LPP: variants seen among roughly 807,000 people sequenced by gnomAD.
LPP encodes the protein LIM domain containing preferred translocation partner in lipoma.
In LPP, 38 loss-of-function variants were observed where a neutral mutation model predicts 60.4. The ratio of observed to expected loss-of-function variants is 0.63; its 90% CI spans 0.49 to 0.83. The LOEUF is 0.83. LPP is among the 40% of genes least tolerant of loss of function. The probability of loss-of-function intolerance (pLI) is 0.00; values close to 1 mark genes in which losing one functional copy is unlikely to be tolerated. For synonymous variants in LPP, 328 were observed against 290.8 expected, an observed-to-expected ratio of 1.13 and a Z score of -1.30; for missense variants, 902 against 783.6, an observed-to-expected ratio of 1.15 and a Z score of -1.80.
At chr3:188,612,158 T>G (rs1207170407) in intron 7 of LPP, among the ~76,000 whole-genome samples, 1 of 152,192 alleles carries the variant, frequency 6.6e-6, no homozygotes, top group Non-Finnish European at 1.5e-5. Flanking sequence ...CGGCTGTGCA[T>G]TGAAAAAATG....
At chr3:188,371,537 A>G (rs1215604694) in intron 3 of LPP, among the ~76,000 whole-genome samples, 1 of 147,052 alleles carries the variant, frequency 6.8e-6, no homozygotes, top group Non-Finnish European at 1.5e-5. Flanking sequence ...GAAGAAAAAC[A>G]TCATATTAAT....
chr3:188,428,237 G>T (rs1416984089), intron 4 of LPP, among the ~76,000 whole-genome samples: 2 of 152,132 alleles, frequency 1.3e-5, no homozygotes, highest in Non-Finnish European at 2.9e-5. Context: ...ACCTCTGTGG[G>T]CTGCACCCAC....
At chr3:188,476,289 G>C (rs1377460253) in intron 4 of LPP, among the ~76,000 whole-genome samples, 2 of 152,088 alleles carry the variant, frequency 1.3e-5, no homozygotes, top group African/African-American at 4.8e-5. Context: ...ATAAATAGTT[G>C]TAAGATGTAG....
rs149347334 is a variant in LPP, at chr3:188,765,666, G to T, written c.1410+5384G>T. Among the ~76,000 whole-genome samples, 29 of 151,928 alleles carry T rather than the reference G, an allele frequency of 1.9e-4. No homozygotes were observed. The East Asian group carries it at 5.3e-3, about 28-fold the overall frequency. On this transcript the variant is annotated intron_variant, in intron 9 of 11. Coordinates refer to ENST00000617246, the MANE Select transcript of LPP (RefSeq NM_001375462.1). The stretch of plus-strand genomic sequence containing the variant: ...TAACTTTTATAATTTACACTTTATT[G>T]CTTGGCCCATACTAACATCCGTGCT...
chr3:188,417,085 G>T (rs1222317902), intron 4 of LPP, among the ~76,000 whole-genome samples: 1 of 152,042 alleles, frequency 6.6e-6, no homozygotes, highest in African/African-American at 2.4e-5. Context: ...GCTGAGGACA[G>T]CACCTGGGGC....
chr3:188,284,765 C>T (rs1436463773), intron 2 of LPP, among the ~76,000 whole-genome samples: 1 of 152,118 alleles, frequency 6.6e-6, no homozygotes, highest in Non-Finnish European at 1.5e-5. Context: ...CTGCGAGAGA[C>T]AAAAACGGGC....
At chr3:188,245,139 G>A (rs936042546) in intron 2 of LPP, among the ~76,000 whole-genome samples, 2 of 151,844 alleles carry the variant, frequency 1.3e-5, no homozygotes, top group South Asian at 4.1e-4. Context: ...TTGAAACAGA[G>A]TCTTGCTCTG....
At chr3:188,804,246 TATATA>T (rs1748296827) in intron 9 of LPP, among the ~76,000 whole-genome samples, 2 of 55,628 alleles carry the variant, frequency 3.6e-5, no homozygotes, top group African/African-American at 1.3e-4. Flanking sequence ...TGCATCTTTA[TATATA>T]TATATATATA....
intron 2 of LPP, among the ~76,000 whole-genome samples, chr3:188,315,805 T>A (rs1051981119): frequency 6.6e-6 from 1 of 152,238 alleles, no homozygotes; most frequent in Admixed American, 6.5e-5. Flanking sequence ...CCTGTAACTC[T>A]AGTTCGTTTC....
chr3:188,457,530 G>C (rs371233668), intron 4 of LPP, among the ~76,000 whole-genome samples: 2 of 151,932 alleles, frequency 1.3e-5, no homozygotes, highest in Admixed American at 1.3e-4. Context: ...CGCTTGAAAT[G>C]CTCCCATGTT....
intron 4 of LPP, among the ~76,000 whole-genome samples, chr3:188,458,950 G>A (rs915738624): frequency 7.3e-5 from 11 of 151,550 alleles, no homozygotes; most frequent in Non-Finnish European, 1.3e-4. Context: ...AACTCTATGT[G>A]GCTTCTGTGG....
intron 9 of LPP, among the ~76,000 whole-genome samples, chr3:188,863,522 CCCT>C (rs150051572): frequency 6.6e-6 from 1 of 152,248 alleles, no homozygotes; most frequent in African/African-American, 2.4e-5. Context: ...ACTCCCAGCC[CCCT>C]CCTCCTGACA....
At chr3:188,242,272 G>T (rs1725219781) in intron 2 of LPP, among the ~76,000 whole-genome samples, 1 of 152,026 alleles carries the variant, frequency 6.6e-6, no homozygotes, top group Admixed American at 6.6e-5. Context: ...CTAACTTATA[G>T]GTAAAAGCCT....
intron 5 of LPP, among the ~76,000 whole-genome samples, chr3:188,504,135 T>A (rs772185229): frequency 6.6e-6 from 1 of 152,204 alleles, no homozygotes; most frequent in Non-Finnish European, 1.5e-5. Context: ...GTCTTCAATC[T>A]TTTTTCTTTC....
intron 6 of LPP, among the ~76,000 whole-genome samples, chr3:188,601,483 T>A (rs892434947): frequency 5.9e-5 from 9 of 152,170 alleles, no homozygotes; most frequent in Non-Finnish European, 2.9e-5. Flanking sequence ...TCCCTAAATC[T>A]AAATTATATA....
intron 9 of LPP, among the ~76,000 whole-genome samples, chr3:188,790,647 C>G (rs1743377804): frequency 6.6e-6 from 1 of 151,888 alleles, no homozygotes; most frequent in African/African-American, 2.4e-5. Flanking sequence ...ATGGTGAAAC[C>G]CTTGTCTCTA....
At chr3:188,593,595 T>C (rs1839389218) in intron 6 of LPP, among the ~76,000 whole-genome samples, 1 of 151,830 alleles carries the variant, frequency 6.6e-6, no homozygotes, top group Admixed American at 6.6e-5. Context: ...CATGCTCCCC[T>C]CCCACTCTTT....
At chr3:188,800,781 T>C (rs1283390908) in intron 9 of LPP, among the ~76,000 whole-genome samples, 1 of 152,222 alleles carries the variant, frequency 6.6e-6, no homozygotes, top group Non-Finnish European at 1.5e-5. Context: ...TGTATTTGCA[T>C]TTTTATGATT....
In LPP at chr3:188,842,582, C is replaced by T. The variant is rs114574367; in HGVS notation, c.1411-23618C>T. On this transcript the variant is annotated intron_variant, in intron 9 of 11. Coordinates refer to ENST00000617246, the MANE Select transcript of LPP (RefSeq NM_001375462.1). ...GTTTGTGGGGTGTTACTCAAGAAAT[C>T]TTTGCCCAATCCAAAGAACATTCAT... 8.8e-3 allele frequency among the ~76,000 whole-genome samples: 1,335 copies of T among 152,238 alleles called. 17 individuals carry two copies. Among genetic ancestry groups the T allele is most frequent in the African/African-American group, 0.031 (1,269 of 41,550 alleles).
Sources: allele counts gnomAD v4.1 joint callset (sites outside exome capture counted in the v4.1 genomes callset), GRCh38; gene constraint gnomAD v4.1.1; transcripts MANE v1.5; gene names NCBI Gene and HGNC (gene_info 2026-07-23, HGNC 2026-07-21).